The following TSNARE1 variants were observed in gnomAD, a reference collection of about 807,000 sequenced individuals.
TSNARE1 encodes the protein t-SNARE domain-containing protein 1.
A neutral mutation model predicts 62.0 loss-of-function variants in TSNARE1; 49 were observed. The ratio of observed to expected loss-of-function variants is 0.79; its 90% CI spans 0.63 to 1.00. The LOEUF is 1.00. Among genes scored for constraint, TSNARE1 ranks in the 50% least tolerant of loss-of-function variants. The pLI, the probability that TSNARE1 is intolerant of heterozygous loss-of-function variation, is 0.00. For synonymous variants in TSNARE1, 328 were observed against 294.4 expected (o/e 1.11, Z -1.17); for missense variants, 755 against 700.1 (o/e 1.08, Z -0.88).
At chr8:142,316,435 T>A (rs542170217) in intron 7 of TSNARE1, among the ~76,000 whole-genome samples, 1 of 151,960 alleles carries the variant, frequency 6.6e-6, no homozygotes, top group South Asian at 2.1e-4. Context: ...GACAGGGGAC[T>A]GCTGCCTCTG....
chr8:142,354,140 T>C (rs1834488286), intron 2 of TSNARE1, among the ~76,000 whole-genome samples: 1 of 151,578 alleles, frequency 6.6e-6, no homozygotes, highest in Admixed American at 6.6e-5. Context: ...GTGGATGAGG[T>C]GAAATGGAAG....
intron 10 of TSNARE1, among the ~76,000 whole-genome samples, chr8:142,290,586 A>G (rs1159975695): frequency 6.6e-6 from 1 of 152,232 alleles, no homozygotes; most frequent in Non-Finnish European, 1.5e-5. Context: ...ATCTCTTCTT[A>G]TAATTAGGAT....
At chr8:142,397,658 C>T (rs1169535663) in intron 1 of TSNARE1, among the ~76,000 whole-genome samples, 2 of 152,202 alleles carry the variant, frequency 1.3e-5, no homozygotes, top group African/African-American at 2.4e-5. Context: ...GCCAGAGGCT[C>T]CCAGGCCAGC....
intron 12 of TSNARE1, among the ~76,000 whole-genome samples, chr8:142,266,840 T>C (rs1719799132): frequency 6.6e-6 from 1 of 152,198 alleles, no homozygotes; most frequent in Non-Finnish European, 1.5e-5. Flanking sequence ...GGTTCTACTC[T>C]CCCCATCTCT....
intron 1 of TSNARE1, among the ~76,000 whole-genome samples, chr8:142,390,000 A>G (rs1446212807): frequency 6.6e-6 from 1 of 152,246 alleles, no homozygotes; most frequent in Non-Finnish European, 1.5e-5. Flanking sequence ...CAGCAGGCAA[A>G]TGTACTAAAT....
chr8:142,344,366 C>T lies in TSNARE1; in HGVS notation c.345G>A (p.Gly115=), dbSNP rs1833059375. ...TCTTCTTGGCCCGGGTAGTGCTGGG[C>T]CCCGCCATCCGGCCATGGGGCCCAG... ...SAAGPHGRMA[G]PSTTRAKKRK... The change falls in exon 4 of 14, where the codon GGG becomes GGA. Residue 115 remains glycine (G), a synonymous_variant. Coordinates refer to ENST00000524325, the MANE Select transcript of TSNARE1 (RefSeq NM_145003.5). 6.4e-7 allele frequency: 1 copy of T among 1,568,676 alleles called. No homozygotes were observed. The highest frequency in any genetic ancestry group is 8.6e-7 in the Non-Finnish European group (1 of 1,161,524).
At chr8:142,390,581 T>C (rs56933763) in intron 1 of TSNARE1, among the ~76,000 whole-genome samples, 2,853 of 52,676 alleles carry the variant, frequency 0.054, 335 homozygotes, top group Middle Eastern at 0.08. Context: ...CAGGGGACTC[T>C]ATAGCAGACG....
At chr8:142,221,284 G>A (rs1306167642) in intron 13 of TSNARE1, among the ~76,000 whole-genome samples, 1 of 152,186 alleles carries the variant, frequency 6.6e-6, no homozygotes, top group African/African-American at 2.4e-5. Context: ...CACCCTTCTG[G>A]GATAGCCAGC....
intron 2 of TSNARE1, 107 bp downstream of exon 2, chr8:142,354,530 C>G: frequency 1.3e-6 from 1 of 778,632 alleles, no homozygotes; most frequent in Non-Finnish European, 2.1e-6. Flanking sequence ...CCACTTTCCT[C>G]AAAAGAACAG....
intron 10 of TSNARE1, 142 bp from the exon 11 acceptor site, chr8:142,284,627 G>T: frequency 1.5e-6 from 1 of 685,396 alleles, no homozygotes; most frequent in South Asian, 1.7e-5. Context: ...GGGACCGGCT[G>T]GTCTGTCCAC....
In TSNARE1 at chr8:142,272,330, G is replaced by A. The variant is rs565402632; in HGVS notation, c.1446+2451C>T. ...CCTCCATCTACCCATCCACCCGCCC[G>A]TCTACACCTTCCTCTTTCCATCCAC... On this transcript the variant is annotated intron_variant, in intron 12 of 13. Transcript: ENST00000524325. Among the ~76,000 whole-genome samples, 194 of 81,750 alleles carry A rather than the reference G, an allele frequency of 2.4e-3. 1 individual carries two copies. The highest frequency in any genetic ancestry group is 0.01 in the African/African-American group (152 of 15,180). The allele number at this position is 81,750 out of a possible 152,430, so 53.6% of individuals were successfully genotyped here. A position where few individuals can be genotyped will look rare whatever the true frequency, so the allele number is the denominator to read the frequency against.
intron 1 of TSNARE1, among the ~76,000 whole-genome samples, chr8:142,359,602 G>A (rs187826582): frequency 6.6e-5 from 10 of 152,238 alleles, no homozygotes; most frequent in Non-Finnish European, 1.2e-4. Flanking sequence ...CCCATTCACG[G>A]GGGAGCCAGG....
intron 12 of TSNARE1, among the ~76,000 whole-genome samples, chr8:142,232,727 G>A (rs1817184726): frequency 6.6e-6 from 1 of 152,226 alleles, no homozygotes; most frequent in Admixed American, 6.5e-5. Flanking sequence ...CCGACTTCAA[G>A]GGAAGAGGCG....
At chr8:142,238,109 C>T (rs7830520) in intron 12 of TSNARE1, among the ~76,000 whole-genome samples, 36,311 of 152,000 alleles carry the variant, frequency 0.24, 5,519 homozygotes, top group African/African-American at 0.43. Flanking sequence ...CTGCGTTACC[C>T]GCCCCCCCTC....
At chr8:142,270,269 G>A (rs1053910137) in intron 12 of TSNARE1, 6 of 985,306 alleles carry the variant, frequency 6.1e-6, no homozygotes, top group Non-Finnish European at 7.2e-6. Flanking sequence ...AGGATCTGAA[G>A]ACGCAGGGAA....
rs1332961351 is a variant in TSNARE1 at position 142,314,436 on chromosome 8, A to G, written c.1079T>C (p.Ile360Thr). ...IQCYGVVQKK[I>T]AEKSRALLPM... The stretch of plus-strand genomic sequence containing the variant: ...AAGCAGCGCTCTGGACTTTTCTGCA[A>G]TTTTCTGTTGAAAAAAGGACAAGAG... The change falls in exon 9 of 14, where the codon ATT becomes ACT. Residue 360 changes from isoleucine to threonine, a missense_variant. Transcript: ENST00000524325. 6 of 1,613,806 alleles carry G rather than the reference A, an allele frequency of 3.7e-6. No homozygotes were observed. Among genetic ancestry groups the G allele is most frequent in the Non-Finnish European group, 5.1e-6 (6 of 1,179,938 alleles).
chr8:142,341,892 G>A (rs1832632584), intron 4 of TSNARE1, among the ~76,000 whole-genome samples: 1 of 152,188 alleles, frequency 6.6e-6, no homozygotes, highest in African/African-American at 2.4e-5. Context: ...ACCCTGTGAG[G>A]AGGGCAGGAG....
rs185739102 is a variant in TSNARE1 at position 142,257,066 on chromosome 8, G to A, written c.1446+17715C>T. The stretch of plus-strand genomic sequence containing the variant: ...TCTGCCTTGAAAGGGACCTTCCCAC[G>A]CACACATACCCATCCCCCAATCACC... On this transcript the variant is annotated intron_variant, in intron 12 of 13. Transcript: ENST00000524325. 1.1e-3 allele frequency among the ~76,000 whole-genome samples: 171 copies of A among 152,270 alleles called. 2 individuals carry two copies. Among genetic ancestry groups the A allele is most frequent in the African/African-American group, 4.0e-3 (165 of 41,568 alleles).
At chr8:142,315,436 G>A (rs915575793) in intron 7 of TSNARE1, among the ~76,000 whole-genome samples, 4 of 152,246 alleles carry the variant, frequency 2.6e-5, no homozygotes, top group Non-Finnish European at 5.9e-5. Context: ...TGACTTGTCT[G>A]TGGTCACATA....
Sources: gnomAD v4.1 joint callset for allele counts (sites outside exome capture counted in the v4.1 genomes callset) on GRCh38, gnomAD v4.1.1 for gene constraint, MANE v1.5 for transcripts, NCBI Gene and HGNC (gene_info 2026-07-23, HGNC 2026-07-21) for gene names.